The following ITPKB variants were observed in gnomAD, a reference collection of about 807,000 sequenced individuals.
ITPKB encodes the protein inositol-trisphosphate 3-kinase B.
Under a neutral mutation model 69.4 loss-of-function variants are expected in ITPKB, and 13 were observed. The observed-to-expected ratio is 0.19, with a 90% CI of 0.12 to 0.30. The LOEUF is 0.30. Ranked by LOEUF, ITPKB falls within the 10% of genes least tolerant of loss-of-function variation. The pLI, the probability that ITPKB is intolerant of heterozygous loss-of-function variation, is 1.00. For synonymous variants in ITPKB, 584 were observed against 513.7 expected (o/e 1.14, Z -1.85); for missense variants, 1,240 against 1,250.5 (o/e 0.99, Z 0.13).
intron 2 of ITPKB, among the ~76,000 whole-genome samples, chr1:226,685,338 C>T (rs1656182652): frequency 6.6e-6 from 1 of 152,214 alleles, no homozygotes; most frequent in Non-Finnish European, 1.5e-5. Context: ...CCACCCCTGC[C>T]CCTAAGTCCT....
At chr1:226,708,467 G>A (rs977197224) in intron 2 of ITPKB, among the ~76,000 whole-genome samples, 1 of 152,206 alleles carries the variant, frequency 6.6e-6, no homozygotes, top group Non-Finnish European at 1.5e-5. Flanking sequence ...TTAGGCACGA[G>A]TAACTCGAGA....
intron 6 of ITPKB, 102 bp downstream of exon 6, chr1:226,639,455 T>A: frequency 1.2e-6 from 1 of 803,104 alleles, no homozygotes; most frequent in South Asian, 1.4e-5. Context: ...GGGTGTGCTG[T>A]CCCTGGGGGT....
intron 2 of ITPKB, among the ~76,000 whole-genome samples, chr1:226,674,100 G>A (rs182512850): frequency 6.6e-6 from 1 of 152,326 alleles, no homozygotes; most frequent in African/African-American, 2.4e-5. Flanking sequence ...CCTGGTGATA[G>A]AGTTCCATGG....
intron 2 of ITPKB, among the ~76,000 whole-genome samples, chr1:226,657,969 C>G (rs1441160520): frequency 6.6e-6 from 1 of 152,202 alleles, no homozygotes; most frequent in Admixed American, 6.5e-5. Context: ...CAAGTCTGTT[C>G]CCAGAACGTC....
chr1:226,731,324 GATTT>G (rs1413583262), intron 2 of ITPKB, among the ~76,000 whole-genome samples: 1 of 152,198 alleles, frequency 6.6e-6, no homozygotes, highest in African/African-American at 2.4e-5. Flanking sequence ...TGGTACTGAT[GATTT>G]ATTTTGATGA....
At chr1:226,720,050 G>T (rs947691734) in intron 2 of ITPKB, among the ~76,000 whole-genome samples, 1 of 152,142 alleles carries the variant, frequency 6.6e-6, no homozygotes, top group Non-Finnish European at 1.5e-5. Context: ...AGCCTAAGGA[G>T]GCAGCTCCAG....
At chr1:226,671,933 T>C (rs1669625961) in intron 2 of ITPKB, among the ~76,000 whole-genome samples, 1 of 152,196 alleles carries the variant, frequency 6.6e-6, no homozygotes, top group African/African-American at 2.4e-5. Flanking sequence ...GGATTTTATG[T>C]CAGTGAGATA....
intron 2 of ITPKB, among the ~76,000 whole-genome samples, chr1:226,709,970 G>A (rs1368317964): frequency 6.6e-6 from 1 of 152,100 alleles, no homozygotes; most frequent in East Asian, 1.9e-4. Context: ...CCTGGGGCCA[G>A]CACTAGCTCA....
chr1:226,705,270 C>A (rs1358060215), intron 2 of ITPKB, among the ~76,000 whole-genome samples: 1 of 152,168 alleles, frequency 6.6e-6, no homozygotes, highest in East Asian at 1.9e-4. Context: ...TGGCTCACAC[C>A]TGTAATCCCA....
At chr1:226,719,010 C>G (rs1425050991) in intron 2 of ITPKB, among the ~76,000 whole-genome samples, 1 of 152,202 alleles carries the variant, frequency 6.6e-6, no homozygotes, top group Non-Finnish European at 1.5e-5. Flanking sequence ...CACGATGGCT[C>G]GTGCCTGTAA....
intron 2 of ITPKB, among the ~76,000 whole-genome samples, chr1:226,672,046 C>T (rs967978048): frequency 5.3e-5 from 8 of 151,850 alleles, no homozygotes; most frequent in Admixed American, 1.3e-4. Context: ...AGAAAGCAGG[C>T]GAGAAAGGGT....
chr1:226,636,315 A>G (rs1278496295), intron 7 of ITPKB, among the ~76,000 whole-genome samples: 1 of 152,176 alleles, frequency 6.6e-6, no homozygotes, highest in Non-Finnish European at 1.5e-5. Flanking sequence ...TCTGGGGGAC[A>G]AGGAGAGCAA....
Position 226,642,180 on chromosome 1 carries a change from C to T in ITPKB, c.2247-55G>A. 1 of 1,432,586 alleles carries T rather than the reference C, an allele frequency of 7.0e-7. No homozygotes were observed. The highest frequency in any genetic ancestry group is 2.3e-5 in the East Asian group (1 of 43,878). The allele number at this position is 1,432,586 out of a possible 1,614,324, so 88.7% of individuals were successfully genotyped here. A position where few individuals can be genotyped will look rare whatever the true frequency, so the allele number is the denominator to read the frequency against. The stretch of plus-strand genomic sequence containing the variant: ...CGAGGCCTGGGGCAGGGCTCACCAG[C>T]AGCTCCTTTCCTGCCTGGTGGATGA... On this transcript the variant is annotated intron_variant, in intron 4 of 7. Coordinates refer to ENST00000429204, the MANE Select transcript of ITPKB (RefSeq NM_002221.4). This position sits in a 1 kb window ranked among gnomAD's most constrained non-coding sequence, Gnocchi z 6.4.
In ITPKB at chr1:226,737,366, G is replaced by A. The variant is rs748737148; in HGVS notation, c.93C>T (p.Ser31=). 1.9e-6 allele frequency: 3 copies of A among 1,607,462 alleles called. No homozygotes were observed. The highest frequency in any genetic ancestry group is 2.5e-6 in the Non-Finnish European group (3 of 1,179,018). ...CCCTCCTCGGGGGCGGGGGCGTCTCGCTGCCACTGGGCCCCGGGCCGCCGC... is the reference window on the plus strand; with the variant it reads ...CCCTCCTCGGGGGCGGGGGCGTCTCACTGCCACTGGGCCCCGGGCCGCCGC... ...KSGGGPGPSG[S]ETPPPPRRAV... is the part of the protein sequence containing the mutation. The change falls in exon 2 of 8, where the codon AGC becomes AGT. Residue 31 remains serine (S), a synonymous_variant. Transcript: ENST00000429204.
chr1:226,703,743 C>T (rs1463956673), intron 2 of ITPKB, among the ~76,000 whole-genome samples: 7 of 152,214 alleles, frequency 4.6e-5, no homozygotes, highest in Non-Finnish European at 7.3e-5. Context: ...GACAAGGGGG[C>T]TGCTGTTGCT....
chr1:226,670,830 T>G (rs191482750), intron 2 of ITPKB, among the ~76,000 whole-genome samples: 5 of 152,350 alleles, frequency 3.3e-5, no homozygotes, highest in African/African-American at 1.2e-4. Flanking sequence ...ATTAACCAAT[T>G]AATTAATAAT....
At chr1:226,653,048 G>A (rs766387209) in intron 2 of ITPKB, among the ~76,000 whole-genome samples, 6 of 152,218 alleles carry the variant, frequency 3.9e-5, no homozygotes, top group Non-Finnish European at 5.9e-5. Context: ...CCATGGCACG[G>A]TGTGTACACT....
intron 2 of ITPKB, among the ~76,000 whole-genome samples, chr1:226,726,632 C>A (rs1053109635): frequency 2.0e-5 from 3 of 152,098 alleles, no homozygotes; most frequent in Non-Finnish European, 4.4e-5. Flanking sequence ...GCTGTGATCA[C>A]ACAACTGCAC....
At chr1:226,668,576 A>G (rs1019353030) in intron 2 of ITPKB, among the ~76,000 whole-genome samples, 1 of 152,264 alleles carries the variant, frequency 6.6e-6, no homozygotes, top group Non-Finnish European at 1.5e-5. Context: ...ATGTTAATCA[A>G]TCCTGAAGAA....
Sources: allele counts gnomAD v4.1 joint callset (sites outside exome capture counted in the v4.1 genomes callset), GRCh38; gene constraint gnomAD v4.1.1; non-coding constraint Gnocchi (gnomAD v3.1); transcripts MANE v1.5; gene names NCBI Gene and HGNC (gene_info 2026-07-23, HGNC 2026-07-21).